Variants in S100A1 observed in about 807,000 individuals in gnomAD.
S100A1 encodes the protein protein S100-A1.
S100A1 carries 3 observed loss-of-function variants against 7.6 expected under a neutral mutation model. The ratio of observed to expected loss-of-function variants is 0.40; its 90% CI spans 0.18 to 1.02. The LOEUF is 1.02. Among genes scored for constraint, S100A1 ranks in the 50% least tolerant of loss-of-function variants. The pLI is 0.35. For missense variants in S100A1, 126 were observed against 115.0 expected, an observed-to-expected ratio of 1.10 and a Z score of -0.44; for synonymous variants, 49 against 49.0, an observed-to-expected ratio of 1.00 and a Z score of 0.00.
At chr1:153,630,850 T>A (rs1229602623) in intron 2 of S100A1, among the ~76,000 whole-genome samples, 188 bp downstream of exon 2, 1 of 152,246 alleles carries the variant, frequency 6.6e-6, no homozygotes, top group Non-Finnish European at 1.5e-5. Flanking sequence ...TGCCCTGGTT[T>A]ATTGATCACC....
At position 153,631,834 on chromosome 1, in the gene S100A1, A is replaced by G. The variant is rs768954927; in HGVS notation, c.278A>G (p.Asn93Ser). The change falls in exon 3 of 3, where the codon AAC becomes AGC. Residue 93 changes from asparagine (N) to serine (S), a missense_variant. By Grantham distance (46) the Asn-to-Ser change is conservative (BLOSUM62 1). Transcript: ENST00000292169. ...TVACNNFFWE[N>S]S is the part of the protein sequence containing the mutation. ...GCCTGTAACAATTTCTTCTGGGAGA[A>G]CAGTTGAGCAGACAGCCACATTGGG... 6.2e-7 allele frequency: 1 copy of G among 1,613,842 alleles called. No homozygotes were observed. The highest frequency in any genetic ancestry group is 8.5e-7 in the Non-Finnish European group (1 of 1,180,004).
rs1017572198 is a variant in S100A1, at chr1:153,631,835, C to G, written c.279C>G (p.Asn93Lys). ...CCTGTAACAATTTCTTCTGGGAGAA[C>G]AGTTGAGCAGACAGCCACATTGGGC... is the stretch of plus-strand genomic sequence containing the variant. ...TVACNNFFWE[N>K]S The change falls in exon 3 of 3, where the codon AAC becomes AAG. Residue 93 changes from asparagine (N) to lysine (K), a missense_variant. By Grantham distance (94) the Asn-to-Lys change is moderately conservative. Transcript: ENST00000292169. The G allele has an allele frequency of 1.7e-5, 27 of 1,613,652 alleles. No homozygotes were observed. The highest frequency in any genetic ancestry group is 2.1e-5 in the Non-Finnish European group (25 of 1,179,992).
chr1:153,628,487 C>T lies in S100A1; in HGVS notation c.-23C>T. ...CCAGAACCTGCTCCCACCTCAGGCC[C>T]AGGCCAACCGTGAGTACCCTGCCCC... On this transcript the variant is annotated 5_prime_UTR_variant, in exon 1 of 3. Transcript: ENST00000292169. 1 of 1,550,762 alleles carries T rather than the reference C, an allele frequency of 6.4e-7. No individual in the cohort carries two copies. Among genetic ancestry groups the T allele is most frequent in the Non-Finnish European group, 8.7e-7 (1 of 1,146,990 alleles).
chr1:153,630,398 C>T, intron 1 of S100A1, 111 bp from the exon 2 acceptor site: 1 of 1,341,292 alleles, frequency 7.5e-7, no homozygotes, highest in Non-Finnish European at 1.0e-6. Flanking sequence ...GGGCTCTAAT[C>T]CCACAGCTAT....
Position 153,630,379 on chromosome 1 carries a change from A to G in S100A1, c.-13-130A>G, listed in dbSNP as rs540114254. The G allele has an allele frequency of 8.4e-5, 97 of 1,151,362 alleles. 1 individual carries two copies. In the African/African-American group the frequency reaches 1.3e-3, roughly 15 times the overall value. 71.3% of individuals were successfully genotyped at this position (1,151,362 alleles called of 1,614,324 possible). ...ATTGTAAAATCTCAGGGAAAGATCA[A>G]TTGCAGTAGGGCTCTAATCCCACAG... is the stretch of plus-strand genomic sequence containing the variant. On this transcript the variant is annotated intron_variant, in intron 1 of 2. Transcript: ENST00000292169.
intron 2 of S100A1, chr1:153,631,096 T>C (rs1667985601): frequency 3.4e-6 from 1 of 297,110 alleles, no homozygotes. Context: ...AATGCAGACA[T>C]TTTAGGAGGA....
At chr1:153,630,717 G>A (rs919266535) in intron 2 of S100A1, 55 bp downstream of exon 2, 3 of 1,595,522 alleles carry the variant, frequency 1.9e-6, no homozygotes, top group African/African-American at 2.7e-5. Flanking sequence ...GGGGAATGGG[G>A]TGGACACCCC....
At chr1:153,628,865 G>T (rs1667836123) in intron 1 of S100A1, 1 of 253,228 alleles carries the variant, frequency 3.9e-6, no homozygotes, top group Non-Finnish European at 7.7e-6. Flanking sequence ...CGCCTCCTGT[G>T]GGGTAAGAAG....
In S100A1 at chr1:153,630,553, C is replaced by G; in HGVS notation, c.32C>G (p.Thr11Ser). 1 of 1,614,228 alleles carries G rather than the reference C, an allele frequency of 6.2e-7. No homozygotes were observed. Among genetic ancestry groups the G allele is most frequent in the Non-Finnish European group, 8.5e-7 (1 of 1,180,038 alleles). The change falls in exon 2 of 3, where the codon ACC becomes AGC. Residue 11 changes from threonine (T) to serine (S), a missense_variant. By Grantham distance (58) the Thr-to-Ser change is moderately conservative. Coordinates refer to ENST00000292169, the MANE Select transcript of S100A1 (RefSeq NM_006271.2). ...TCTGAGCTGGAGACGGCGATGGAGA[C>G]CCTCATCAACGTGTTCCACGCCCAC... MGSELETAMETLINVFHAHSG... is the reference protein window; with the variant it reads MGSELETAMESLINVFHAHSG...
chr1:153,631,888 C>A lies in S100A1; in HGVS notation c.*47C>A, dbSNP rs1392386160. The A allele has an allele frequency of 6.3e-7, 1 of 1,594,854 alleles. No homozygotes were observed. The highest frequency in any genetic ancestry group is 2.2e-5 in the East Asian group (1 of 44,802). Reference sequence around the variant, plus strand: ...CGCCCTTCCTCTCCACCCTCCCAGACCTGCCTCTTCCCCCTGCTTCCACCT... The same window carrying A: ...CGCCCTTCCTCTCCACCCTCCCAGAACTGCCTCTTCCCCCTGCTTCCACCT... On this transcript the variant is annotated 3_prime_UTR_variant, in exon 3 of 3. Coordinates refer to ENST00000292169, the MANE Select transcript of S100A1 (RefSeq NM_006271.2).
chr1:153,630,714 G>A, intron 2 of S100A1, 52 bp downstream of exon 2: 2 of 1,598,098 alleles, frequency 1.3e-6, no homozygotes, highest in African/African-American at 1.3e-5. Context: ...TTGGGGGAAT[G>A]GGGTGGACAC....
intron 2 of S100A1, 98 bp from the exon 3 acceptor site, chr1:153,631,600 G>A (rs778146451): frequency 1.5e-5 from 24 of 1,613,576 alleles, no homozygotes; most frequent in Admixed American, 5.0e-5. Context: ...AGTTCCTCTC[G>A]CTCATCTTTG....
rs1404801716 is a variant in S100A1, at chr1:153,630,744, C to T, written c.141+82C>T. The stretch of plus-strand genomic sequence containing the variant: ...GGACACCCCCTTGCTATCTCCCCAC[C>T]CCACCTCCAGCTCAGCCTAGCCTCT... On this transcript the variant is annotated intron_variant, in intron 2 of 2. Coordinates refer to ENST00000292169, the MANE Select transcript of S100A1 (RefSeq NM_006271.2). 3 of 1,535,804 alleles carry T rather than the reference C, an allele frequency of 2.0e-6. No individual in the cohort carries two copies. In the Admixed American group the frequency reaches 5.5e-5, roughly 28 times the overall value.
At position 153,631,957 on chromosome 1, in the gene S100A1, ACC is replaced by A; in HGVS notation, c.*120_*121del. Reference sequence around the variant, plus strand: ...CCATAACCCCACCCTTGCCCACCCCACCCCCACCCCCACCAAGGGCGCAAGAG... The same window carrying A: ...CCATAACCCCACCCTTGCCCACCCCACCCACCCCCACCAAGGGCGCAAGAG... On this transcript the variant is annotated 3_prime_UTR_variant, in exon 3 of 3. Transcript: ENST00000292169. 1.0e-6 allele frequency: 1 copy of A among 1,000,574 alleles called. No individual in the cohort carries two copies. The highest frequency in any genetic ancestry group is 1.3e-6 in the Non-Finnish European group (1 of 762,810). 62.0% of individuals were successfully genotyped at this position (1,000,574 alleles called of 1,614,324 possible). A position where few individuals can be genotyped will look rare whatever the true frequency, so the allele number is the denominator to read the frequency against.
At chr1:153,631,259 C>T (rs145700117) in intron 2 of S100A1, 111 of 586,240 alleles carry the variant, frequency 1.9e-4, no homozygotes, top group African/African-American at 1.5e-3. Context: ...GAAAGTGCAC[C>T]GGTTTTGAGG....
intron 1 of S100A1, 140 bp downstream of exon 1, chr1:153,628,636 GT>G: frequency 1.4e-6 from 2 of 1,383,436 alleles, no homozygotes; most frequent in Admixed American, 2.8e-5. Flanking sequence ...GGTGAGGGCA[GT>G]TTGGGATTTG....
In S100A1 at chr1:153,628,481, C is replaced by G. The variant is rs1176824488; in HGVS notation, c.-29C>G. The G allele has an allele frequency of 2.6e-6, 4 of 1,550,748 alleles. No individual in the cohort carries two copies. Among genetic ancestry groups the G allele is most frequent in the Non-Finnish European group, 3.5e-6 (4 of 1,146,990 alleles). On this transcript the variant is annotated 5_prime_UTR_variant, in exon 1 of 3. Transcript: ENST00000292169. ...ATCTGTCCAGAACCTGCTCCCACCTCAGGCCCAGGCCAACCGTGAGTACCC... is the reference window on the plus strand; with the variant it reads ...ATCTGTCCAGAACCTGCTCCCACCTGAGGCCCAGGCCAACCGTGAGTACCC...
intron 2 of S100A1, chr1:153,631,144 T>C (rs893386821): frequency 3.1e-6 from 1 of 321,472 alleles, no homozygotes; most frequent in Non-Finnish European, 5.7e-6. Context: ...GAAAGAAGAA[T>C]GTGGAGCATG....
chr1:153,631,426 T>C, intron 2 of S100A1: 1 of 1,519,220 alleles, frequency 6.6e-7, no homozygotes, highest in Non-Finnish European at 8.9e-7. Context: ...AATTAGACAG[T>C]GCTTGTAAAG....
Sources: gnomAD v4.1 joint callset for allele counts (sites outside exome capture counted in the v4.1 genomes callset) on GRCh38, gnomAD v4.1.1 for gene constraint, MANE v1.5 for transcripts, NCBI Gene and HGNC (gene_info 2026-07-23, HGNC 2026-07-21) for gene names.